TCF7L1: variants seen among roughly 807,000 people sequenced by gnomAD.
The protein encoded by TCF7L1 is transcription factor 7 like 1.
A neutral mutation model predicts 63.7 loss-of-function variants in TCF7L1; 18 were observed. The ratio of observed to expected loss-of-function variants is 0.28; its 90% CI spans 0.20 to 0.42. The LOEUF is 0.42. Among genes scored for constraint, TCF7L1 ranks in the 10% least tolerant of loss-of-function variants. The pLI, the probability that TCF7L1 is intolerant of heterozygous loss-of-function variation, is 1.00. For synonymous variants in TCF7L1, 355 were observed against 340.9 expected (o/e 1.04, Z -0.46); for missense variants, 654 against 779.3 (o/e 0.84, Z 1.91).
intron 3 of TCF7L1, among the ~76,000 whole-genome samples, chr2:85,155,080 A>T (rs929617216): frequency 2.6e-5 from 4 of 152,134 alleles, no homozygotes; most frequent in Non-Finnish European, 5.9e-5. Flanking sequence ...CTCCCAAAGT[A>T]CTGGGATTAC....
chr2:85,302,805 TCTC>T (rs1259303301), intron 5 of TCF7L1, among the ~76,000 whole-genome samples, 189 bp downstream of exon 5: 1 of 152,054 alleles, frequency 6.6e-6, no homozygotes, highest in African/African-American at 2.4e-5. Context: ...CCCTGTACCT[TCTC>T]CACCATAGGG....
At chr2:85,289,163 A>G (rs141590684) in intron 4 of TCF7L1, among the ~76,000 whole-genome samples, 142 of 152,282 alleles carry the variant, frequency 9.3e-4, no homozygotes, top group African/African-American at 3.3e-3. Flanking sequence ...GAAAGCACAG[A>G]AAAAGATCTA....
chr2:85,248,347 C>T (rs1242035274), intron 3 of TCF7L1, among the ~76,000 whole-genome samples: 3 of 152,182 alleles, frequency 2.0e-5, no homozygotes, highest in South Asian at 2.1e-4. Context: ...TTCAGTAGGG[C>T]TGTCGTGGGG....
At chr2:85,282,950 G>C (rs1393351824) in intron 3 of TCF7L1, among the ~76,000 whole-genome samples, 2 of 152,070 alleles carry the variant, frequency 1.3e-5, no homozygotes, top group African/African-American at 2.4e-5. Context: ...GGAAAGCTCA[G>C]CATCCTTGAG....
At chr2:85,191,622 C>T (rs142326378) in intron 3 of TCF7L1, among the ~76,000 whole-genome samples, 5 of 152,020 alleles carry the variant, frequency 3.3e-5, no homozygotes, top group South Asian at 2.1e-4. Flanking sequence ...GTCAGGAGTT[C>T]GAGACCAGCC....
chr2:85,225,095 T>C (rs1339988897), intron 3 of TCF7L1, among the ~76,000 whole-genome samples: 3 of 152,234 alleles, frequency 2.0e-5, no homozygotes, highest in Admixed American at 1.3e-4. Context: ...GTTGTAGATG[T>C]GCAGTGTTAT....
chr2:85,172,268 A>G (rs974495451), intron 3 of TCF7L1, among the ~76,000 whole-genome samples: 2 of 152,082 alleles, frequency 1.3e-5, no homozygotes, highest in African/African-American at 4.8e-5. Flanking sequence ...CTTGGAGAGA[A>G]GGCAGAATTC....
At chr2:85,291,218 T>C (rs1482205161) in intron 4 of TCF7L1, among the ~76,000 whole-genome samples, 7 of 152,250 alleles carry the variant, frequency 4.6e-5, no homozygotes, top group African/African-American at 9.6e-5. Flanking sequence ...GAGGCTAGGC[T>C]GAGAATTTTC....
At chr2:85,261,295 A>G (rs1374382256) in intron 3 of TCF7L1, among the ~76,000 whole-genome samples, 1 of 152,198 alleles carries the variant, frequency 6.6e-6, no homozygotes, top group Non-Finnish European at 1.5e-5. Context: ...ACACAAGGGC[A>G]TGGTTTCTAT....
intron 3 of TCF7L1, among the ~76,000 whole-genome samples, chr2:85,215,772 G>A (rs1380454337): frequency 1.4e-5 from 2 of 138,468 alleles, no homozygotes; most frequent in African/African-American, 5.2e-5. Context: ...GGGGGTGGGG[G>A]GGGGTGAGGG....
At chr2:85,175,296 C>T (rs1678655047) in intron 3 of TCF7L1, among the ~76,000 whole-genome samples, 1 of 152,204 alleles carries the variant, frequency 6.6e-6, no homozygotes, top group African/African-American at 2.4e-5. Context: ...TTCCTGAAAG[C>T]ATATGGTTGG....
chr2:85,193,583 TAA>T (rs1679086438), intron 3 of TCF7L1, among the ~76,000 whole-genome samples: 1 of 152,354 alleles, frequency 6.6e-6, no homozygotes, highest in South Asian at 2.1e-4. Flanking sequence ...AGCATTTGAA[TAA>T]AGTCTGTGGA....
At chr2:85,164,924 T>G (rs907046301) in intron 3 of TCF7L1, among the ~76,000 whole-genome samples, 4 of 152,244 alleles carry the variant, frequency 2.6e-5, no homozygotes, top group African/African-American at 9.6e-5. Flanking sequence ...GATTCGCTGC[T>G]AGGTCTTATT....
At chr2:85,298,712 C>G (rs1681892499) in intron 4 of TCF7L1, among the ~76,000 whole-genome samples, 1 of 152,082 alleles carries the variant, frequency 6.6e-6, no homozygotes, top group African/African-American at 2.4e-5. Context: ...CATGCACACC[C>G]ATGCCCACGC....
intron 3 of TCF7L1, among the ~76,000 whole-genome samples, chr2:85,273,593 A>C (rs1192822458): frequency 6.6e-6 from 1 of 151,502 alleles, no homozygotes; most frequent in East Asian, 1.9e-4. Flanking sequence ...ATTTAATAAC[A>C]CTCCTCAGAA....
chr2:85,145,107 C>T (rs13008771), intron 3 of TCF7L1, among the ~76,000 whole-genome samples: 13,850 of 151,370 alleles, frequency 0.091, 710 homozygotes, highest in Middle Eastern at 0.15. Context: ...ATACTTTTTC[C>T]TTTACTTCCC....
In TCF7L1 at chr2:85,309,078, C is replaced by G; in HGVS notation, c.1383C>G (p.Pro461=). ...SKKPCVQYLP[P]EKPCDSPASS... is the part of the protein sequence containing the mutation. The stretch of plus-strand genomic sequence containing the variant: ...AGCCATGTGTTCAGTACCTGCCCCC[C>G]GAGAAGCCCTGTGACAGCCCTGCCT... The change falls in exon 12 of 12, where the codon CCC becomes CCG. Residue 461 remains proline, a synonymous_variant. Coordinates refer to ENST00000282111, the MANE Select transcript of TCF7L1 (RefSeq NM_031283.3). 1 of 1,613,022 alleles carries G rather than the reference C, an allele frequency of 6.2e-7. No individual in the cohort carries two copies. The highest frequency in any genetic ancestry group is 8.5e-7 in the Non-Finnish European group (1 of 1,179,554).
chr2:85,198,851 AC>A (rs1289035418), intron 3 of TCF7L1, among the ~76,000 whole-genome samples: 1 of 152,036 alleles, frequency 6.6e-6, no homozygotes. Context: ...ACAGAATGAG[AC>A]CCTTTCTCCA....
rs541806668 is a variant in TCF7L1 at position 85,238,000 on chromosome 2, G to A, written c.442-45495G>A. Among the ~76,000 whole-genome samples the A allele has an allele frequency of 4.7e-4, 71 of 152,280 alleles. 2 individuals carry two copies. Among genetic ancestry groups the A allele is most frequent in the African/African-American group, 1.6e-3 (65 of 41,562 alleles). On this transcript the variant is annotated intron_variant, in intron 3 of 11. Transcript: ENST00000282111. ...CCCAACAGGTGGTGGCATTCCAGGC[G>A]AAGGAGGCTTCCGCCCTGGGCCGCC...
Sources: gnomAD v4.1 joint callset for allele counts (sites outside exome capture counted in the v4.1 genomes callset) on GRCh38, gnomAD v4.1.1 for gene constraint, MANE v1.5 for transcripts, NCBI Gene and HGNC (gene_info 2026-07-23, HGNC 2026-07-21) for gene names.